NAA15: variants seen among roughly 807,000 people sequenced by gnomAD.
NAA15 encodes the protein N-alpha-acetyltransferase 15, NatA auxiliary subunit.
A neutral mutation model predicts 114.0 loss-of-function variants in NAA15; 34 were observed. The observed-to-expected ratio is 0.30, with a 90% CI of 0.23 to 0.40. The LOEUF (loss-of-function observed/expected upper bound fraction) is 0.40. Ranked by LOEUF, NAA15 falls within the 10% of genes least tolerant of loss-of-function variation. NAA15 has a pLI of 1.00. For missense variants in NAA15, 658 were observed against 1,004.5 expected, an observed-to-expected ratio of 0.66 and a Z score of 4.66; for synonymous variants, 340 against 338.0, an observed-to-expected ratio of 1.01 and a Z score of -0.06.
At chr4:139,326,865 G>A (rs1324079746) in intron 1 of NAA15, among the ~76,000 whole-genome samples, 2 of 152,124 alleles carry the variant, frequency 1.3e-5, no homozygotes, top group Admixed American at 6.6e-5. Flanking sequence ...AGTACTTTTA[G>A]TTTAGGTATG....
rs11454836 is a variant in NAA15, at chr4:139,305,539, G to GTT, written c.54+3722_54+3723dup. Among the ~76,000 whole-genome samples the GTT allele has an allele frequency of 1.2e-3, 167 of 135,474 alleles. 2 individuals carry two copies. The highest frequency in any genetic ancestry group is 3.7e-3 in the African/African-American group (136 of 37,018). The allele number at this position is 135,474 out of a possible 152,430, so 88.9% of individuals were successfully genotyped here. A position where few individuals can be genotyped will look rare whatever the true frequency, so the allele number is the denominator to read the frequency against. ...AGTGTTGCTAGGTTGGTAACTTGTT[G>GTT]TTTTTTTTTTTTTTTGAGACGGAGT... is the stretch of plus-strand genomic sequence containing the variant. On this transcript the variant is annotated intron_variant, in intron 1 of 19. Transcript: ENST00000296543.
rs1470376305 is a variant in NAA15 at position 139,389,900 on chromosome 4, T to C, written c.*1816T>C. On this transcript the variant is annotated 3_prime_UTR_variant, in exon 20 of 20. Transcript: ENST00000296543. ...GTACAAACCGAACTCCAGTGCTTTG[T>C]TATGTTTTATTAACTGGCCCTGTCT... 1 of 152,614 alleles carries C rather than the reference T, an allele frequency of 6.6e-6. No individual in the cohort carries two copies. The highest frequency in any genetic ancestry group is 1.5e-5 in the Non-Finnish European group (1 of 68,038). 9.5% of individuals were successfully genotyped at this position (152,614 alleles called of 1,614,324 possible).
chr4:139,301,798 G>A lies in NAA15; in HGVS notation c.21G>A (p.Pro7=). Residue 7 remains proline (P), a synonymous_variant, in exon 1 of 20, where the codon CCG becomes CCA. Transcript: ENST00000296543. MPAVSL[P]PKENALFKRI... ...GAACGATGCCGGCCGTGAGCCTCCC[G>A]CCCAAGGAGAATGCGCTCTTCAAGC... 1 of 1,587,736 alleles carries A rather than the reference G, an allele frequency of 6.3e-7. No individual in the cohort carries two copies. Among genetic ancestry groups the A allele is most frequent in the South Asian group, 1.1e-5 (1 of 87,354 alleles).
chr4:139,373,841 G>A (rs1430323508), intron 15 of NAA15, among the ~76,000 whole-genome samples: 1 of 152,006 alleles, frequency 6.6e-6, no homozygotes, highest in African/African-American at 2.4e-5. Context: ...TGGGATTACA[G>A]GCACATACCA....
intron 6 of NAA15, 125 bp downstream of exon 6, chr4:139,344,464 C>T (rs1299551186): frequency 5.6e-6 from 4 of 720,094 alleles, no homozygotes; most frequent in Non-Finnish European, 9.1e-6. Flanking sequence ...CTATTTCTTA[C>T]TCGTGTACTT....
At chr4:139,317,241 A>G (rs1746440640) in intron 1 of NAA15, among the ~76,000 whole-genome samples, 1 of 151,884 alleles carries the variant, frequency 6.6e-6, no homozygotes, top group Admixed American at 6.6e-5. Flanking sequence ...ATCTCCTTAT[A>G]ATGCTGTGGG....
intron 1 of NAA15, among the ~76,000 whole-genome samples, chr4:139,324,602 A>G (rs995091039): frequency 2.6e-5 from 4 of 152,212 alleles, no homozygotes; most frequent in African/African-American, 9.6e-5. Flanking sequence ...TTTGCATTTC[A>G]CTTTCCGTAA....
Position 139,315,001 on chromosome 4 carries a change from T to TTAGG in NAA15, c.54+13171_54+13172insAGGT, listed in dbSNP as rs1181192026. ...TAGAGAAGCGTTCAGTTCAGTTCAGTTTAGTTTAGGTTAGGTTAGGTTAGG... is the reference window on the plus strand; with the variant it reads ...TAGAGAAGCGTTCAGTTCAGTTCAGTTAGGTTAGTTTAGGTTAGGTTAGGTTAGG... On this transcript the variant is annotated intron_variant, in intron 1 of 19. Transcript: ENST00000296543. Among the ~76,000 whole-genome samples the TTAGG allele has an allele frequency of 8.1e-5, 6 of 74,380 alleles. No homozygotes were observed. In the East Asian group the frequency reaches 1.4e-3, roughly 17 times the overall value. 48.8% of individuals were successfully genotyped at this position (74,380 alleles called of 152,430 possible).
chr4:139,310,585 G>C (rs1746190475), intron 1 of NAA15, among the ~76,000 whole-genome samples: 1 of 151,432 alleles, frequency 6.6e-6, no homozygotes, highest in South Asian at 2.1e-4. Context: ...TAGGACTTCT[G>C]CTCAGATGTC....
chr4:139,389,448 G>C lies in NAA15; in HGVS notation c.*1364G>C, dbSNP rs887013245. The stretch of plus-strand genomic sequence containing the variant: ...TGCAGATGGGAGCTTTTTAGAAGGG[G>C]CTAAGTGCTGGTGTCAGGGAAATTC... On this transcript the variant is annotated 3_prime_UTR_variant, in exon 20 of 20. Transcript: ENST00000296543. 6.6e-6 allele frequency: 1 copy of C among 152,560 alleles called. No individual in the cohort carries two copies. Among genetic ancestry groups the C allele is most frequent in the African/African-American group, 2.4e-5 (1 of 41,430 alleles). The allele number at this position is 152,560 out of a possible 1,614,324, so 9.5% of individuals were successfully genotyped here. A position where few individuals can be genotyped will look rare whatever the true frequency, so the allele number is the denominator to read the frequency against.
Position 139,334,209 on chromosome 4 carries a change from G to A in NAA15, c.90G>A (p.Leu30=). The A allele has an allele frequency of 6.2e-7, 1 of 1,602,620 alleles. No individual in the cohort carries two copies. Among genetic ancestry groups the A allele is most frequent in the Non-Finnish European group, 8.5e-7 (1 of 1,176,128 alleles). The change falls in exon 2 of 20, where the codon TTG becomes TTA. Residue 30 remains leucine, a synonymous_variant. Coordinates refer to ENST00000296543, the MANE Select transcript of NAA15 (RefSeq NM_057175.5). Reference sequence around the variant, plus strand: ...AACATAAACAGTATAGAAATGGATTGAAATTCTGTAAACAAATACTTTCTA... The same window carrying A: ...AACATAAACAGTATAGAAATGGATTAAAATTCTGTAAACAAATACTTTCTA... The part of the protein sequence containing the change: ...CYEHKQYRNG[L]KFCKQILSNP...
At chr4:139,301,894 CT>C in intron 1 of NAA15, 63 bp downstream of exon 1, 2 of 1,520,206 alleles carry the variant, frequency 1.3e-6, no homozygotes, top group Non-Finnish European at 1.8e-6. Context: ...CCTGTCACCC[CT>C]AACCTCGGCC....
chr4:139,349,390 A>G (rs1399309062), intron 6 of NAA15, 72 bp from the exon 7 acceptor site: 3 of 1,343,846 alleles, frequency 2.2e-6, no homozygotes, highest in Non-Finnish European at 3.0e-6. Flanking sequence ...AGAAATTTTG[A>G]GGAAAAGTTA....
intron 1 of NAA15, among the ~76,000 whole-genome samples, chr4:139,327,159 A>C (rs547595964): frequency 6.6e-6 from 1 of 151,390 alleles, no homozygotes; most frequent in Non-Finnish European, 1.5e-5. Context: ...CTGGTCTTGA[A>C]CTCCTGGGCT....
At chr4:139,314,148 A>G (rs1560952241) in intron 1 of NAA15, among the ~76,000 whole-genome samples, 1 of 151,990 alleles carries the variant, frequency 6.6e-6, no homozygotes, top group Non-Finnish European at 1.5e-5. Context: ...CTGAAGGATT[A>G]CAGTTTGTAA....
chr4:139,384,071 CT>C (rs1748825840), intron 17 of NAA15, among the ~76,000 whole-genome samples: 1 of 152,226 alleles, frequency 6.6e-6, no homozygotes, highest in African/African-American at 2.4e-5. Flanking sequence ...TGTGAAACTA[CT>C]TGTTTTGTCA....
chr4:139,311,443 A>G (rs1746221614), intron 1 of NAA15, among the ~76,000 whole-genome samples: 1 of 152,058 alleles, frequency 6.6e-6, no homozygotes, highest in Admixed American at 6.5e-5. Flanking sequence ...CTTTGGCATT[A>G]CAGAGTACAT....
At chr4:139,342,251 A>G (rs1747427367) in intron 4 of NAA15, among the ~76,000 whole-genome samples, 1 of 152,114 alleles carries the variant, frequency 6.6e-6, no homozygotes, top group Non-Finnish European at 1.5e-5. Context: ...GACTGAGCAG[A>G]TCAAGAAATA....
At chr4:139,320,473 G>T (rs1399402642) in intron 1 of NAA15, among the ~76,000 whole-genome samples, 1 of 152,124 alleles carries the variant, frequency 6.6e-6, no homozygotes, top group African/African-American at 2.4e-5. Flanking sequence ...GCTTTTCCCA[G>T]TTCTTTCTCT....
Sources: allele counts gnomAD v4.1 joint callset (sites outside exome capture counted in the v4.1 genomes callset), GRCh38; gene constraint gnomAD v4.1.1; transcripts MANE v1.5; gene names NCBI Gene and HGNC (gene_info 2026-07-23, HGNC 2026-07-21).